The following SPNS3 variants were observed in gnomAD, a reference collection of about 807,000 sequenced individuals.
SPNS3 encodes protein spinster homolog 3.
In SPNS3, 51 loss-of-function variants were observed where a neutral mutation model predicts 54.4. That is an observed-to-expected ratio of 0.94 (90% CI 0.75 to 1.18). The LOEUF is 1.18. Among genes scored for constraint, SPNS3 ranks in the 50% most tolerant of loss-of-function variants. SPNS3 has a pLI of 0.00. For synonymous variants in SPNS3, 309 were observed against 294.7 expected, an observed-to-expected ratio of 1.05 and a Z score of -0.50; for missense variants, 669 against 677.4, an observed-to-expected ratio of 0.99 and a Z score of 0.14.
Position 4,439,691 on chromosome 17 carries a change from T to C in SPNS3, c.233T>C (p.Ile78Thr), listed in dbSNP as rs1480982801. 6.2e-7 allele frequency: 1 copy of C among 1,613,526 alleles called. No individual in the cohort carries two copies. ...VLLDIQEVFQ[I>T]SDNHAGLLQT... ...CTGGATATACAGGAGGTTTTCCAGA[T>C]CAGTGACAACCATGCTGGTTTGCTT... is the stretch of plus-strand genomic sequence containing the variant. Residue 78 changes from isoleucine to threonine, a missense_variant, in exon 2 of 12, where the codon ATC becomes ACC. By Grantham distance (89) the Ile-to-Thr change is moderately conservative. Transcript: ENST00000355530.
intron 8 of SPNS3, among the ~76,000 whole-genome samples, chr17:4,468,825 G>A (rs1597332887): frequency 3.2e-5 from 4 of 125,112 alleles, no homozygotes; most frequent in Admixed American, 1.8e-4. Context: ...TTTTGCTCTT[G>A]TCACCGAGGC....
intron 8 of SPNS3, among the ~76,000 whole-genome samples, chr17:4,455,844 G>T (rs1399011893): frequency 2.0e-5 from 3 of 152,156 alleles, no homozygotes; most frequent in Non-Finnish European, 4.4e-5. Context: ...CCTGGTATAG[G>T]AGGCTCAGCA....
chr17:4,452,328 G>A (rs1971188780), intron 7 of SPNS3, among the ~76,000 whole-genome samples: 1 of 152,074 alleles, frequency 6.6e-6, no homozygotes, highest in Admixed American at 6.6e-5. Flanking sequence ...CAGATCTCCT[G>A]CCACAAAATG....
intron 8 of SPNS3, among the ~76,000 whole-genome samples, chr17:4,476,826 T>C (rs1972014749): frequency 6.6e-6 from 1 of 152,186 alleles, no homozygotes; most frequent in African/African-American, 2.4e-5. Context: ...GGAGAGCGCA[T>C]GGCTGCTGGG....
At chr17:4,474,207 C>T (rs1326839087) in intron 8 of SPNS3, among the ~76,000 whole-genome samples, 1 of 152,208 alleles carries the variant, frequency 6.6e-6, no homozygotes, top group African/African-American at 2.4e-5. Context: ...CACCTGCCTG[C>T]CCACTGGCTT....
chr17:4,457,392 AAAAC>A (rs1001040864), intron 8 of SPNS3, among the ~76,000 whole-genome samples: 8 of 152,326 alleles, frequency 5.3e-5, no homozygotes, highest in East Asian at 3.9e-4. Flanking sequence ...ACCCTGTCTC[AAAAC>A]AAACAAACAA....
At chr17:4,443,567 T>A (rs1190945090) in intron 2 of SPNS3, among the ~76,000 whole-genome samples, 1 of 152,202 alleles carries the variant, frequency 6.6e-6, no homozygotes, top group Admixed American at 6.5e-5. Flanking sequence ...CAGATAACTT[T>A]TATGTGCTTT....
At position 4,476,691 on chromosome 17, in the gene SPNS3, A is replaced by G. The variant is rs1044890335; in HGVS notation, c.1114-1881A>G. On this transcript the variant is annotated intron_variant, in intron 8 of 11. Transcript: ENST00000355530. The stretch of plus-strand genomic sequence containing the variant: ...AGACCTGCCTGCCAGCGACTTCCTG[A>G]TTCCTGCCCCTGTGGGTGCCCGGCC... Among the ~76,000 whole-genome samples the G allele has an allele frequency of 2.0e-5, 3 of 152,074 alleles. No homozygotes were observed. The East Asian group carries it at 5.8e-4, about 29-fold the overall frequency.
intron 8 of SPNS3, among the ~76,000 whole-genome samples, chr17:4,475,448 G>A (rs1043869344): frequency 6.6e-5 from 10 of 152,198 alleles, no homozygotes; most frequent in South Asian, 2.1e-4. Flanking sequence ...AGGAACGTGC[G>A]GATGCAAAAC....
chr17:4,436,178 G>A (rs1970714900), intron 1 of SPNS3, among the ~76,000 whole-genome samples: 1 of 152,186 alleles, frequency 6.6e-6, no homozygotes, highest in Non-Finnish European at 1.5e-5. Flanking sequence ...ACAAGGGGGA[G>A]GCACAGGCCG....
At chr17:4,467,538 A>G (rs11653420) in intron 8 of SPNS3, among the ~76,000 whole-genome samples, 22,987 of 152,048 alleles carry the variant, frequency 0.15, 1,888 homozygotes, top group Non-Finnish European at 0.19. Flanking sequence ...CCCCTAGGCT[A>G]GACCAGCTTC....
chr17:4,487,707 G>A, intron 11 of SPNS3, 99 bp from the exon 12 acceptor site: 1 of 1,053,600 alleles, frequency 9.5e-7, no homozygotes, highest in Non-Finnish European at 1.5e-6. Context: ...CTGCATTTGG[G>A]ACAGAGAGGA....
chr17:4,475,199 T>C (rs1260377883), intron 8 of SPNS3, among the ~76,000 whole-genome samples: 1 of 152,196 alleles, frequency 6.6e-6, no homozygotes, highest in Non-Finnish European at 1.5e-5. Flanking sequence ...GGGCTCCATG[T>C]TTCTCAGGCT....
At chr17:4,439,841 T>C in intron 2 of SPNS3, 118 bp downstream of exon 2, 1 of 914,996 alleles carries the variant, frequency 1.1e-6, no homozygotes, top group Non-Finnish European at 1.7e-6. Context: ...GCACAGAGGG[T>C]GGGTGGGGTA....
chr17:4,486,283 G>T lies in SPNS3; in HGVS notation c.1235G>T (p.Gly412Val), dbSNP rs1597348922. The T allele has an allele frequency of 6.3e-7, 1 of 1,594,052 alleles. No homozygotes were observed. The part of the protein sequence containing the change: ...GTAEALQITV[G>V]HILGDAGSPY... ...GCAGAGGCACTTCAGATCACGGTGG[G>T]CCACATCCTGGGAGACGCTGGCAGC... Residue 412 changes from glycine (G) to valine (V), a missense_variant, in exon 10 of 12, where the codon GGC becomes GTC. Physicochemically the swap from Gly to Val is moderately radical, Grantham distance 109 (BLOSUM62 -3). Coordinates refer to ENST00000355530, the MANE Select transcript of SPNS3 (RefSeq NM_182538.5). This position sits in a 1 kb window ranked among gnomAD's most constrained non-coding sequence, Gnocchi z 5.5.
chr17:4,476,068 C>T (rs1005161731), intron 8 of SPNS3, among the ~76,000 whole-genome samples: 20 of 152,214 alleles, frequency 1.3e-4, no homozygotes, highest in Admixed American at 4.6e-4. Flanking sequence ...GGTGGGGCTG[C>T]GCCCGTCCAC....
intron 8 of SPNS3, among the ~76,000 whole-genome samples, chr17:4,455,078 T>A (rs1329187181): frequency 6.6e-6 from 1 of 151,710 alleles, no homozygotes; most frequent in Non-Finnish European, 1.5e-5. Context: ...CACGCCCAGC[T>A]AATTTTTGTA....
chr17:4,445,780 C>T (rs575323842), intron 3 of SPNS3, among the ~76,000 whole-genome samples: 52 of 152,138 alleles, frequency 3.4e-4, no homozygotes, highest in Admixed American at 2.4e-3. Flanking sequence ...CTGGGGGTAA[C>T]AGCTGCTGTC....
At chr17:4,448,035 C>A in intron 5 of SPNS3, 120 bp from the exon 6 acceptor site, 3 of 992,304 alleles carry the variant, frequency 3.0e-6, no homozygotes, top group South Asian at 4.2e-5. Context: ...ACCCCCACTA[C>A]CCCCAGGGCT....
Sources: gnomAD v4.1 joint callset for allele counts (sites outside exome capture counted in the v4.1 genomes callset) on GRCh38, gnomAD v4.1.1 for gene constraint, Gnocchi (gnomAD v3.1) non-coding constraint, MANE v1.5 for transcripts, NCBI Gene and HGNC (gene_info 2026-07-23, HGNC 2026-07-21) for gene names.